Variants in EHHADH observed in about 807,000 individuals in gnomAD.
EHHADH encodes the protein enoyl-CoA hydratase and 3-hydroxyacyl CoA dehydrogenase, also known as peroxisomal bifunctional enzyme.
EHHADH carries 48 observed loss-of-function variants against 64.4 expected under a neutral mutation model. That is an observed-to-expected ratio of 0.75 (90% CI 0.59 to 0.95). The LOEUF is 0.95. Ranked by LOEUF, EHHADH falls within the 40% of genes least tolerant of loss-of-function variation. The probability of loss-of-function intolerance (pLI) is 0.00; values close to 1 mark genes in which losing one functional copy is unlikely to be tolerated. For missense variants in EHHADH, 854 were observed against 876.6 expected (o/e 0.97, Z 0.33); for synonymous variants, 308 against 326.7 (o/e 0.94, Z 0.62).
intron 2 of EHHADH, among the ~76,000 whole-genome samples, chr3:185,244,123 T>C (rs1381834121): frequency 6.6e-6 from 1 of 152,236 alleles, no homozygotes; most frequent in African/African-American, 2.4e-5. Flanking sequence ...GTCTTTTTAC[T>C]GTTGTTGATT....
intron 4 of EHHADH, among the ~76,000 whole-genome samples, chr3:185,228,861 T>C (rs974096962): frequency 6.6e-6 from 1 of 151,942 alleles, no homozygotes; most frequent in South Asian, 2.1e-4. Context: ...TGGAGTGCAG[T>C]GGCGTAGTCT....
chr3:185,235,138 C>G, intron 3 of EHHADH, 152 bp downstream of exon 3: 2 of 655,154 alleles, frequency 3.1e-6, no homozygotes, highest in Non-Finnish European at 2.3e-6. Flanking sequence ...CGAGATCACA[C>G]CACTGCACTC....
intron 2 of EHHADH, among the ~76,000 whole-genome samples, chr3:185,240,060 T>C (rs1478589885): frequency 2.0e-5 from 3 of 152,166 alleles, no homozygotes; most frequent in African/African-American, 7.2e-5. Context: ...TTAATTCTGT[T>C]TATCTGGTGA....
chr3:185,239,101 C>T (rs943746152), intron 2 of EHHADH, among the ~76,000 whole-genome samples: 27 of 151,686 alleles, frequency 1.8e-4, no homozygotes, highest in Admixed American at 9.9e-4. Flanking sequence ...TGTAGGTATG[C>T]GGTTTTATTT....
intron 5 of EHHADH, among the ~76,000 whole-genome samples, chr3:185,208,298 G>A (rs1284753281): frequency 6.6e-6 from 1 of 152,214 alleles, no homozygotes; most frequent in African/African-American, 2.4e-5. Context: ...GAGTTTGAAA[G>A]CAGATTCTCC....
At position 185,216,029 on chromosome 3, in the gene EHHADH, G is replaced by A. The variant is rs1346234251; in HGVS notation, c.568+2107C>T. On this transcript the variant is annotated intron_variant, in intron 5 of 6. Coordinates refer to ENST00000231887, the MANE Select transcript of EHHADH (RefSeq NM_001966.4). This position sits in a 1 kb window ranked among gnomAD's most constrained non-coding sequence, Gnocchi z 5.3. ...CTGAAGTGTTAAAAGGTGAATTACA[G>A]GTTTAAAGCAAATGGTGCCTCAATA... Among the ~76,000 whole-genome samples, 1 of 152,082 alleles carries A rather than the reference G, an allele frequency of 6.6e-6. No homozygotes were observed. The highest frequency in any genetic ancestry group is 1.5e-5 in the Non-Finnish European group (1 of 68,012).
intron 5 of EHHADH, among the ~76,000 whole-genome samples, chr3:185,213,116 T>A (rs562301738): frequency 1.7e-4 from 1 of 5,950 alleles, no homozygotes; most frequent in Non-Finnish European, 6.0e-4. Context: ...CAAGACTCTG[T>A]CTCAAAAAAA....
chr3:185,239,498 C>T (rs1178627143), intron 2 of EHHADH, among the ~76,000 whole-genome samples: 2 of 151,912 alleles, frequency 1.3e-5, no homozygotes, highest in African/African-American at 2.4e-5. Context: ...GATCTTTCAC[C>T]TCATTGGTTA....
intron 5 of EHHADH, among the ~76,000 whole-genome samples, chr3:185,207,580 A>T (rs1256443616): frequency 6.6e-6 from 1 of 152,190 alleles, no homozygotes; most frequent in Non-Finnish European, 1.5e-5. Flanking sequence ...AAGCAAGAAC[A>T]TGGGGACTCT....
chr3:185,253,773 A>AAG (rs1719816314), intron 1 of EHHADH, 176 bp downstream of exon 1: 1 of 1,322,986 alleles, frequency 7.6e-7, no homozygotes, highest in African/African-American at 1.8e-5. Flanking sequence ...AAAAAAAAAA[A>AAG]AAAGAAAAGA....
intron 4 of EHHADH, among the ~76,000 whole-genome samples, chr3:185,220,660 A>T (rs963481144): frequency 6.6e-6 from 1 of 152,212 alleles, no homozygotes; most frequent in Non-Finnish European, 1.5e-5. Flanking sequence ...CTGTATATCC[A>T]ATCCAGATTC....
Position 185,192,732 on chromosome 3 carries a change from T to TA in EHHADH, c.1665dup (p.Arg556Ter), listed in dbSNP as rs773283895. ...ACATCAGGAATTGGGCAGTACCTCCTATTACCCCTTTTTCGGGCAGGAGTT... is the reference window on the plus strand; with the variant it reads ...ACATCAGGAATTGGGCAGTACCTCCTAATTACCCCTTTTTCGGGCAGGAGTT... On this transcript the variant is annotated frameshift_variant, in exon 7 of 7. Coordinates refer to ENST00000231887, the MANE Select transcript of EHHADH (RefSeq NM_001966.4). LOFTEE classifies it high-confidence loss of function. 1 of 1,614,150 alleles carries TA rather than the reference T, an allele frequency of 6.2e-7. No individual in the cohort carries two copies. Among genetic ancestry groups the TA allele is most frequent in the South Asian group, 1.1e-5 (1 of 91,086 alleles).
At chr3:185,225,645 A>G (rs776779237) in intron 4 of EHHADH, among the ~76,000 whole-genome samples, 5 of 152,132 alleles carry the variant, frequency 3.3e-5, no homozygotes, top group Non-Finnish European at 7.3e-5. Context: ...TTCACAAGAA[A>G]AGCCAAAGTT....
In EHHADH at chr3:185,204,616, AC is replaced by A. The variant is rs763686437; in HGVS notation, c.709del (p.Val237SerfsTer87). The A allele has an allele frequency of 3.7e-6, 6 of 1,614,094 alleles. No individual in the cohort carries two copies. In the African/African-American group the frequency reaches 8.0e-5, roughly 22 times the overall value. The stretch of plus-strand genomic sequence containing the variant: ...ATAGGGATACTGCACAGCAGCCTGG[AC>A]TGCACGGACACAAGCCTCCTGTGCA... Reference protein sequence around the residue: ...CLAQEACVRAVQAAVQYPYEV... With the variant: ...CLAQEACVRAXQAAVQYPYEV... On this transcript the variant is annotated frameshift_variant, in exon 6 of 7. Transcript: ENST00000231887. LOFTEE classifies it high-confidence loss of function.
At position 185,192,085 on chromosome 3, in the gene EHHADH, C is replaced by G; in HGVS notation, c.*141G>C. The G allele has an allele frequency of 2.0e-6, 2 of 979,272 alleles. No homozygotes were observed. Among genetic ancestry groups the G allele is most frequent in the South Asian group, 3.4e-5 (2 of 58,256 alleles). 60.7% of individuals were successfully genotyped at this position (979,272 alleles called of 1,614,324 possible). ...TTCCTAAAGATTTGACCATTAGAGT[C>G]GTTACACAGAAGATTCTAATGATTA... On this transcript the variant is annotated 3_prime_UTR_variant, in exon 7 of 7. Transcript: ENST00000231887.
rs752330590 is a variant in EHHADH at position 185,229,525 on chromosome 3, C to T, written c.370G>A (p.Glu124Lys). The T allele has an allele frequency of 2.5e-6, 4 of 1,570,272 alleles. No individual in the cohort carries two copies. The highest frequency in any genetic ancestry group is 3.5e-6 in the Non-Finnish European group (4 of 1,154,832). Residue 124 changes from glutamate (E) to lysine (K), a missense_variant, in exon 4 of 7, where the codon GAA becomes AAA. Physicochemically the swap from Glu to Lys is moderately conservative, Grantham distance 56. Coordinates refer to ENST00000231887, the MANE Select transcript of EHHADH (RefSeq NM_001966.4). ...CCAGGGAGAAGTCCCAGTGTAACTTCTGGTAAGCCAACTTGAGCCTATCAA... is the reference window on the plus strand; with the variant it reads ...CCAGGGAGAAGTCCCAGTGTAACTTTTGGTAAGCCAACTTGAGCCTATCAA... ...AHAEAQVGLP[E>K]VTLGLLPGAR... is the part of the protein sequence containing the mutation.
intron 2 of EHHADH, among the ~76,000 whole-genome samples, chr3:185,237,944 C>T (rs1472871214): frequency 6.6e-6 from 1 of 152,114 alleles, no homozygotes; most frequent in Non-Finnish European, 1.5e-5. Flanking sequence ...TATTACTTCC[C>T]TCTGTATGTC....
Position 185,253,911 on chromosome 3 carries a change from C to T in EHHADH, c.74+38G>A, listed in dbSNP as rs764951851. On this transcript the variant is annotated intron_variant, in intron 1 of 6. Coordinates refer to ENST00000231887, the MANE Select transcript of EHHADH (RefSeq NM_001966.4). Reference sequence around the variant, plus strand: ...CCGGAGCCAGAGGGCGGCTAAGGCCCGCACGGTCCCCGGGCTGGAGGCGAC... The same window carrying T: ...CCGGAGCCAGAGGGCGGCTAAGGCCTGCACGGTCCCCGGGCTGGAGGCGAC... 9 of 1,611,486 alleles carry T rather than the reference C, an allele frequency of 5.6e-6. No individual in the cohort carries two copies. The Admixed American group carries it at 1.0e-4, about 18-fold the overall frequency.
At chr3:185,214,621 GT>G (rs971322506) in intron 5 of EHHADH, among the ~76,000 whole-genome samples, 1 of 152,072 alleles carries the variant, frequency 6.6e-6, no homozygotes, top group African/African-American at 2.4e-5. Context: ...TCGCCTTATA[GT>G]TTTTTCCTTA....
Sources: gnomAD v4.1 joint callset for allele counts (sites outside exome capture counted in the v4.1 genomes callset) on GRCh38, gnomAD v4.1.1 for gene constraint, Gnocchi (gnomAD v3.1) non-coding constraint, MANE v1.5 for transcripts, NCBI Gene and HGNC (gene_info 2026-07-23, HGNC 2026-07-21) for gene names.